PCNX2: variants seen among roughly 807,000 people sequenced by gnomAD.
PCNX2 encodes the protein pecanex-like protein 2.
PCNX2 carries 168 observed loss-of-function variants against 223.8 expected under a neutral mutation model. The ratio of observed to expected loss-of-function variants is 0.75; its 90% CI spans 0.66 to 0.85. The LOEUF is 0.85. Among genes scored for constraint, PCNX2 ranks in the 40% least tolerant of loss-of-function variants. PCNX2 has a pLI of 0.00. For missense variants in PCNX2, 2,507 were observed against 2,675.5 expected (o/e 0.94, Z 1.39); for synonymous variants, 1,006 against 1,052.6 (o/e 0.96, Z 0.86).
At chr1:233,026,382 G>A (rs1452858089) in intron 25 of PCNX2, among the ~76,000 whole-genome samples, 2 of 152,228 alleles carry the variant, frequency 1.3e-5, no homozygotes, top group African/African-American at 4.8e-5. Context: ...GAGGTAGCCA[G>A]GGGCAGATCC....
chr1:233,119,893 G>A lies in PCNX2; in HGVS notation c.3837+15120C>T, dbSNP rs375580079. 3.9e-5 allele frequency among the ~76,000 whole-genome samples: 6 copies of A among 152,086 alleles called. No homozygotes were observed. In the East Asian group the frequency reaches 9.7e-4, roughly 25 times the overall value. Reference sequence around the variant, plus strand: ...AAATCTAGAGTACACAGGGCTGGGCGCGGTGGCTAATGCCTGTAATCCCAG... The same window carrying A: ...AAATCTAGAGTACACAGGGCTGGGCACGGTGGCTAATGCCTGTAATCCCAG... On this transcript the variant is annotated intron_variant, in intron 21 of 33. Coordinates refer to ENST00000258229, the MANE Select transcript of PCNX2 (RefSeq NM_014801.4).
At chr1:233,069,792 T>C (rs903339920) in intron 23 of PCNX2, among the ~76,000 whole-genome samples, 4 of 151,878 alleles carry the variant, frequency 2.6e-5, no homozygotes, top group Admixed American at 6.6e-5. Flanking sequence ...TAAAAAGGTA[T>C]CAAATTCATA....
At position 233,253,734 on chromosome 1, in the gene PCNX2, T is replaced by A. The variant is rs1403236707; in HGVS notation, c.1835-946A>T. 6.6e-6 allele frequency among the ~76,000 whole-genome samples: 1 copy of A among 152,206 alleles called. No individual in the cohort carries two copies. The highest frequency in any genetic ancestry group is 1.5e-5 in the Non-Finnish European group (1 of 68,036). ...TGCCCTGAGAACATTTTAAGATGAA[T>A]GAGAATTCCAAGATCAATAGGTACT... On this transcript the variant is annotated intron_variant, in intron 5 of 33. Transcript: ENST00000258229. This position sits in a 1 kb window ranked among gnomAD's most constrained non-coding sequence, Gnocchi z 4.2.
At chr1:233,305,023 G>T in the PCNX2 span, among the ~76,000 whole-genome samples, 1 of 152,104 alleles carries the variant, frequency 6.6e-6, no homozygotes, top group African/African-American at 2.4e-5. Context: ...AACTTCTTCA[G>T]AAACAAAAGA....
rs144474478 is a variant in PCNX2 at position 233,071,242 on chromosome 1, G to C, written c.4077-13952C>G. Among the ~76,000 whole-genome samples the C allele has an allele frequency of 2.6e-5, 4 of 152,168 alleles. No homozygotes were observed. The East Asian group carries it at 7.7e-4, about 29-fold the overall frequency. ...TAAACTTGTGTCATGAGGGCTTGTT[G>C]TATAGATTATATCATCATCCAGGTA... On this transcript the variant is annotated intron_variant, in intron 23 of 33. Coordinates refer to ENST00000258229, the MANE Select transcript of PCNX2 (RefSeq NM_014801.4).
chr1:233,032,881 G>A (rs1671318515), intron 25 of PCNX2: 1 of 683,644 alleles, frequency 1.5e-6, no homozygotes, highest in South Asian at 6.6e-5. Flanking sequence ...TGGGTAATCT[G>A]CTCTTAGGAG....
chr1:233,172,514 A>T, intron 17 of PCNX2: 1 of 985,328 alleles, frequency 1.0e-6, no homozygotes, highest in Middle Eastern at 5.2e-4. Context: ...GGTAGAGCTG[A>T]CTTCCTGAGG....
At chr1:233,235,957 A>AAAAAT (rs369886650) in intron 9 of PCNX2, among the ~76,000 whole-genome samples, 9,027 of 92,844 alleles carry the variant, frequency 0.097, 588 homozygotes, top group Admixed American at 0.22. Context: ...CATAAAAAAA[A>AAAAAT]ATATATATAT....
intron 28 of PCNX2, among the ~76,000 whole-genome samples, chr1:233,014,363 A>G (rs922242997): frequency 4.6e-5 from 7 of 152,180 alleles, no homozygotes; most frequent in Admixed American, 4.6e-4. Flanking sequence ...CTTCATAGGC[A>G]TGATTTCATT....
chr1:233,182,791 A>C (rs1054784232), intron 15 of PCNX2, among the ~76,000 whole-genome samples: 3 of 152,126 alleles, frequency 2.0e-5, no homozygotes, highest in African/African-American at 4.8e-5. Flanking sequence ...TTCAGTGCCC[A>C]GTATAAGTTC....
chr1:233,170,737 A>G (rs1354325629), intron 17 of PCNX2, among the ~76,000 whole-genome samples: 1 of 152,250 alleles, frequency 6.6e-6, no homozygotes, highest in Non-Finnish European at 1.5e-5. Context: ...ACTTTTAAGT[A>G]TAGTATGACA....
rs114764530 is a variant in PCNX2 at position 233,205,805 on chromosome 1, T to C, written c.2863+2713A>G. Reference sequence around the variant, plus strand: ...TCTAAATGCCAGACACTGCTAAGGATTGAGTGGTAAGAAAGCATGCAGGGT... The same window carrying C: ...TCTAAATGCCAGACACTGCTAAGGACTGAGTGGTAAGAAAGCATGCAGGGT... On this transcript the variant is annotated intron_variant, in intron 13 of 33. Coordinates refer to ENST00000258229, the MANE Select transcript of PCNX2 (RefSeq NM_014801.4). Among the ~76,000 whole-genome samples the C allele has an allele frequency of 9.7e-3, 1,481 of 152,216 alleles. 22 individuals carry two copies. Among genetic ancestry groups the C allele is most frequent in the African/African-American group, 0.033 (1,372 of 41,536 alleles).
intron 25 of PCNX2, among the ~76,000 whole-genome samples, chr1:233,034,211 A>C (rs1190300198): frequency 6.6e-6 from 1 of 152,150 alleles, no homozygotes; most frequent in Non-Finnish European, 1.5e-5. Context: ...AATCCGTCCC[A>C]AAAACAAACA....
intron 19 of PCNX2, among the ~76,000 whole-genome samples, chr1:233,156,742 A>G (rs1678155946): frequency 6.6e-6 from 1 of 152,000 alleles, no homozygotes; most frequent in African/African-American, 2.4e-5. Flanking sequence ...ACATGGTGAA[A>G]CCCCATCTCT....
chr1:232,986,301 C>T lies in PCNX2; in HGVS notation c.6031G>A (p.Glu2011Lys). ...GACCTGATGAGCGCCTCGGCCCGCT[C>T]ACGGACACTCAGGTGGCCGGTGGTG... The part of the protein sequence containing the change: ...VTTTGHLSVR[E>K]RAEALIRSSL... Residue 2011 changes from glutamate (E) to lysine (K), a missense_variant, in exon 33 of 34, where the codon GAG becomes AAG. By Grantham distance (56) the Glu-to-Lys change is moderately conservative. Transcript: ENST00000258229. 2.5e-6 allele frequency: 4 copies of T among 1,575,048 alleles called. No individual in the cohort carries two copies. Among genetic ancestry groups the T allele is most frequent in the South Asian group, 1.2e-5 (1 of 85,820 alleles).
intron 21 of PCNX2, among the ~76,000 whole-genome samples, chr1:233,116,805 A>C (rs1456556159): frequency 6.6e-6 from 1 of 152,140 alleles, no homozygotes; most frequent in Non-Finnish European, 1.5e-5. Context: ...ATAAAAGCAG[A>C]AATCTATGAA....
Position 233,126,517 on chromosome 1 carries a change from T to TTGTGTG in PCNX2, c.3837+8490_3837+8495dup, listed in dbSNP as rs3033291. On this transcript the variant is annotated intron_variant, in intron 21 of 33. Coordinates refer to ENST00000258229, the MANE Select transcript of PCNX2 (RefSeq NM_014801.4). The surrounding 1 kb of genome is among the most constrained non-coding windows in gnomAD (Gnocchi z 4.8). ...AAATTTGTGTGGTGTGTGTGTGTGT[T>TTGTGTG]TGTGTGTGTGTGTGTGTGTGTAAAT... Among the ~76,000 whole-genome samples, 1 of 147,948 alleles carries TTGTGTG rather than the reference T, an allele frequency of 6.8e-6. No individual in the cohort carries two copies. Among genetic ancestry groups the TTGTGTG allele is most frequent in the Non-Finnish European group, 1.5e-5 (1 of 66,972 alleles).
At chr1:233,174,566 T>C (rs982897861) in intron 17 of PCNX2, among the ~76,000 whole-genome samples, 2 of 151,930 alleles carry the variant, frequency 1.3e-5, no homozygotes, top group Admixed American at 6.6e-5. Context: ...TCTAGCAGCA[T>C]GGGACCAGAA....
At chr1:233,143,796 T>C (rs1677265980) in intron 19 of PCNX2, among the ~76,000 whole-genome samples, 1 of 152,198 alleles carries the variant, frequency 6.6e-6, no homozygotes, top group Non-Finnish European at 1.5e-5. Context: ...TTTATGCAGA[T>C]AAACTGTTTC....
Sources: allele counts gnomAD v4.1 joint callset (sites outside exome capture counted in the v4.1 genomes callset), GRCh38; gene constraint gnomAD v4.1.1; non-coding constraint Gnocchi (gnomAD v3.1); transcripts MANE v1.5; gene names NCBI Gene and HGNC (gene_info 2026-07-23, HGNC 2026-07-21).